ASCC3: variants seen among roughly 807,000 people sequenced by gnomAD.
ASCC3 encodes the protein activating signal cointegrator 1 complex subunit 3.
A neutral mutation model predicts 256.3 loss-of-function variants in ASCC3; 158 were observed. That is an observed-to-expected ratio of 0.62 (90% confidence interval 0.54 to 0.70). The LOEUF (loss-of-function observed/expected upper bound fraction) is 0.70, where lower values mean the gene tolerates loss of function less well. ASCC3 is among the 30% of genes least tolerant of loss of function. The probability of loss-of-function intolerance (pLI) is 0.00; values close to 1 mark genes in which losing one functional copy is unlikely to be tolerated. For missense variants in ASCC3, 2,259 were observed against 2,626.0 expected, an observed-to-expected ratio of 0.86 and a Z score of 3.05; for synonymous variants, 948 against 883.4, an observed-to-expected ratio of 1.07 and a Z score of -1.30.
intron 10 of ASCC3, among the ~76,000 whole-genome samples, chr6:100,734,734 C>G (rs1780066908): frequency 6.6e-6 from 1 of 152,148 alleles, no homozygotes; most frequent in Non-Finnish European, 1.5e-5. Context: ...ATCAGGGAAA[C>G]CACTAGGTGC....
intron 38 of ASCC3, among the ~76,000 whole-genome samples, chr6:100,517,520 G>A (rs1774093624): frequency 6.6e-6 from 1 of 152,020 alleles, no homozygotes; most frequent in South Asian, 2.1e-4. Flanking sequence ...AAACTCTTAC[G>A]TATAGGTTAT....
intron 8 of ASCC3, among the ~76,000 whole-genome samples, chr6:100,773,520 G>A (rs1388683306): frequency 1.3e-5 from 2 of 152,064 alleles, no homozygotes; most frequent in African/African-American, 2.4e-5. Context: ...ACTTCTTTGT[G>A]CTTCAGCATA....
intron 37 of ASCC3, among the ~76,000 whole-genome samples, chr6:100,532,335 CGTGTGTGTGT>C (rs3073701): frequency 2.7e-4 from 27 of 99,830 alleles, no homozygotes; most frequent in African/African-American, 9.9e-4. Flanking sequence ...TGCTATCTTG[CGTGTGTGTGT>C]GTGTGTGTGT....
intron 11 of ASCC3, among the ~76,000 whole-genome samples, chr6:100,719,214 A>G (rs1217281009): frequency 3.3e-5 from 5 of 152,112 alleles, no homozygotes; most frequent in African/African-American, 7.2e-5. Flanking sequence ...CAATACATAT[A>G]TAGTATCTTA....
At chr6:100,783,920 T>C (rs1471478941) in intron 8 of ASCC3, among the ~76,000 whole-genome samples, 1 of 152,156 alleles carries the variant, frequency 6.6e-6, no homozygotes, top group Non-Finnish European at 1.5e-5. Flanking sequence ...AGAAAATTTA[T>C]GCGGTAGGTC....
chr6:100,683,872 C>T (rs942048162), intron 13 of ASCC3, among the ~76,000 whole-genome samples: 2 of 151,880 alleles, frequency 1.3e-5, no homozygotes, highest in Non-Finnish European at 2.9e-5. Context: ...GAAAAGTTCA[C>T]ATAGAAACAA....
chr6:100,640,696 TAGATC>T (rs1462812107), intron 24 of ASCC3, among the ~76,000 whole-genome samples: 1 of 152,162 alleles, frequency 6.6e-6, no homozygotes, highest in African/African-American at 2.4e-5. Context: ...CTTCAATGAG[TAGATC>T]ACTAGATACT....
intron 2 of ASCC3, among the ~76,000 whole-genome samples, chr6:100,866,690 A>C (rs117695435): frequency 0.013 from 1,926 of 152,284 alleles, 20 homozygotes; most frequent in East Asian, 0.045. Context: ...ACAGAGGACA[A>C]ATCATGTGAG....
At chr6:100,770,423 C>G (rs1781860947) in intron 8 of ASCC3, among the ~76,000 whole-genome samples, 1 of 151,638 alleles carries the variant, frequency 6.6e-6, no homozygotes, top group Non-Finnish European at 1.5e-5. Flanking sequence ...GGGTATTACA[C>G]TCACTCACCA....
chr6:100,718,196 T>C lies in ASCC3; in HGVS notation c.1958A>G (p.Asn653Ser). 1 of 1,613,382 alleles carries C rather than the reference T, an allele frequency of 6.2e-7. No individual in the cohort carries two copies. Among genetic ancestry groups the C allele is most frequent in the South Asian group, 1.1e-5 (1 of 91,058 alleles). The change falls in exon 12 of 42, where the codon AAC (asparagine) becomes AGC (serine). Residue 653 changes from asparagine to serine, a missense_variant. Transcript: ENST00000369162. ...TAAAAATGTGGCAACATCGAGGTAG[T>C]TAGGTAAAGTTGCAGACAGTCCGAG... is the stretch of plus-strand genomic sequence containing the variant. ...RILGLSATLP[N>S]YLDVATFLHV...
intron 34 of ASCC3, among the ~76,000 whole-genome samples, chr6:100,596,337 A>G (rs1582523626): frequency 6.6e-6 from 1 of 152,188 alleles, no homozygotes; most frequent in South Asian, 2.1e-4. Context: ...AATGGATACA[A>G]ATTCAAGGAT....
At chr6:100,748,538 A>C (rs1253948075) in intron 10 of ASCC3, among the ~76,000 whole-genome samples, 1 of 152,086 alleles carries the variant, frequency 6.6e-6, no homozygotes, top group Non-Finnish European at 1.5e-5. Context: ...ACTAGAGAGC[A>C]CAGATATTAT....
chr6:100,661,998 G>A lies in ASCC3; in HGVS notation c.2511C>T (p.Ser837=). Residue 837 remains serine (S), a synonymous_variant, in exon 16 of 42, where the codon TCC becomes TCT. Transcript: ENST00000369162. ...GTQIYAAKRG[S]FVDLGILDVM... The stretch of plus-strand genomic sequence containing the variant: ...CATCTAAAATTCCAAGGTCAACAAA[G>A]GAGCCTCTTTTTGCAGCATATATTT... 1 of 1,613,244 alleles carries A rather than the reference G, an allele frequency of 6.2e-7. No individual in the cohort carries two copies. Among genetic ancestry groups the A allele is most frequent in the Non-Finnish European group, 8.5e-7 (1 of 1,179,436 alleles).
At chr6:100,687,236 T>C (rs1353624525) in intron 13 of ASCC3, among the ~76,000 whole-genome samples, 3 of 152,142 alleles carry the variant, frequency 2.0e-5, no homozygotes, top group Non-Finnish European at 4.4e-5. Flanking sequence ...ACCCTCCAAA[T>C]TAGTTATCTC....
At chr6:100,539,481 C>A (rs902985697) in intron 37 of ASCC3, among the ~76,000 whole-genome samples, 2 of 152,206 alleles carry the variant, frequency 1.3e-5, no homozygotes, top group South Asian at 4.1e-4. Context: ...AAGATACTTG[C>A]AAAATGTAAA....
intron 13 of ASCC3, among the ~76,000 whole-genome samples, chr6:100,688,920 C>T (rs1385319422): frequency 6.6e-6 from 1 of 152,164 alleles, no homozygotes; most frequent in Non-Finnish European, 1.5e-5. Flanking sequence ...TCCTCCCTCT[C>T]AAAGATGACA....
chr6:100,652,199 G>T (rs750314101), intron 18 of ASCC3, among the ~76,000 whole-genome samples: 1 of 152,056 alleles, frequency 6.6e-6, no homozygotes, highest in Non-Finnish European at 1.5e-5. Flanking sequence ...ACAGGTTTAG[G>T]ATATAGAGTG....
intron 13 of ASCC3, among the ~76,000 whole-genome samples, chr6:100,699,626 CAGA>C (rs1778258000): frequency 6.6e-6 from 1 of 152,058 alleles, no homozygotes; most frequent in African/African-American, 2.4e-5. Flanking sequence ...TTGGTGGGTA[CAGA>C]AGAAGACAGG....
At chr6:100,843,491 T>G (rs1772245422) in intron 4 of ASCC3, among the ~76,000 whole-genome samples, 1 of 152,210 alleles carries the variant, frequency 6.6e-6, no homozygotes, top group Admixed American at 6.5e-5. Context: ...AAAAACTGAT[T>G]ATACAATAAC....
Sources: allele counts gnomAD v4.1 joint callset (sites outside exome capture counted in the v4.1 genomes callset), GRCh38; gene constraint gnomAD v4.1.1; transcripts MANE v1.5; gene names NCBI Gene and HGNC (gene_info 2026-07-23, HGNC 2026-07-21).